CD52: variants seen among roughly 807,000 people sequenced by gnomAD.
The protein encoded by CD52 is CD52 molecule, also known as CAMPATH-1 antigen.
CD52 carries 2 observed loss-of-function variants against 2.5 expected under a neutral mutation model. The ratio of observed to expected loss-of-function variants is 0.79; its 90% CI spans 0.32 to 2.48. The LOEUF (loss-of-function observed/expected upper bound fraction) is 2.48, where lower values mean the gene tolerates loss of function less well. Ranked by LOEUF, CD52 falls within the 30% of genes most tolerant of loss-of-function variation. CD52 has a pLI of 0.11. For synonymous variants in CD52, 24 were observed against 27.7 expected (o/e 0.87, Z 0.42); for missense variants, 62 against 75.8 (o/e 0.82, Z 0.68).
chr1:26,319,553 G>A (rs1471329035), intron 1 of CD52, among the ~76,000 whole-genome samples: 3 of 151,690 alleles, frequency 2.0e-5, no homozygotes, highest in South Asian at 2.1e-4. Flanking sequence ...GCAGTGACCC[G>A]AGATCATGCC....
rs778290285 is a variant in CD52 at position 26,319,568 on chromosome 1, C to CA, written c.55-602dup. Among the ~76,000 whole-genome samples the CA allele has an allele frequency of 7.8e-4, 118 of 151,962 alleles. 1 individual carries two copies. Among genetic ancestry groups the CA allele is most frequent in the Admixed American group, 1.6e-3 (24 of 15,256 alleles). ...GCAGTGACCCGAGATCATGCCACTT[C>CA]ACTCCAGCCTGGGCAAAAGAGCGAA... On this transcript the variant is annotated intron_variant, in intron 1 of 1. Transcript: ENST00000374213.
chr1:26,320,057 A>G, intron 1 of CD52, 114 bp from the exon 2 acceptor site: 1 of 1,259,898 alleles, frequency 7.9e-7, no homozygotes, highest in Non-Finnish European at 1.1e-6. Context: ...GAGGTGGAGG[A>G]TGCAGTGAGC....
intron 1 of CD52, 76 bp downstream of exon 1, chr1:26,318,147 A>G: frequency 8.1e-7 from 1 of 1,227,492 alleles, no homozygotes; most frequent in Non-Finnish European, 1.2e-6. Flanking sequence ...ACAGGATGTG[A>G]GCTCCCAGAG....
chr1:26,318,331 C>T (rs983957882), intron 1 of CD52: 25 of 450,828 alleles, frequency 5.5e-5, no homozygotes, highest in Non-Finnish European at 8.9e-5. Context: ...GTGCTAGGCG[C>T]GTTGGGGCAC....
chr1:26,318,035 C>T lies in CD52; in HGVS notation c.18C>T (p.Phe6=), dbSNP rs1428849775. 5 of 1,614,094 alleles carry T rather than the reference C, an allele frequency of 3.1e-6. No homozygotes were observed. The highest frequency in any genetic ancestry group is 4.2e-6 in the Non-Finnish European group (5 of 1,180,024). Residue 6 remains phenylalanine (F), a synonymous_variant, in exon 1 of 2, where the codon TTC becomes TTT. Coordinates refer to ENST00000374213, the MANE Select transcript of CD52 (RefSeq NM_001803.3). ...CTACCAAAATGAAGCGCTTCCTCTTCCTCCTACTCACCATCAGCCTCCTGG... is the reference window on the plus strand; with the variant it reads ...CTACCAAAATGAAGCGCTTCCTCTTTCTCCTACTCACCATCAGCCTCCTGG... The part of the protein sequence containing the change: MKRFL[F]LLLTISLLVM...
rs761065976 is a variant in CD52, at chr1:26,317,991, C to T, written c.-27C>T. 1.2e-6 allele frequency: 2 copies of T among 1,612,342 alleles called. No individual in the cohort carries two copies. Among genetic ancestry groups the T allele is most frequent in the South Asian group, 2.2e-5 (2 of 91,040 alleles). ...CTGAGATCACCTAAAAAGCTGCTAC[C>T]AAGACAGCCACGAAGATCCTACCAA... On this transcript the variant is annotated 5_prime_UTR_variant, in exon 1 of 2. Coordinates refer to ENST00000374213, the MANE Select transcript of CD52 (RefSeq NM_001803.3).
chr1:26,318,256 G>A, intron 1 of CD52, 185 bp downstream of exon 1: 1 of 595,418 alleles, frequency 1.7e-6, no homozygotes, highest in South Asian at 2.0e-5. Flanking sequence ...CTTCTGGCTG[G>A]GGCTGCACTG....
chr1:26,320,037 T>C, intron 1 of CD52, 134 bp from the exon 2 acceptor site: 1 of 1,097,628 alleles, frequency 9.1e-7, no homozygotes, highest in Non-Finnish European at 1.3e-6. Context: ...GGAGAATCAC[T>C]TGAACCCGGG....
intron 1 of CD52, among the ~76,000 whole-genome samples, chr1:26,319,181 G>C (rs1320786960): frequency 6.6e-6 from 1 of 152,102 alleles, no homozygotes; most frequent in Non-Finnish European, 1.5e-5. Context: ...AGCCGGGCGC[G>C]CTGGCTCGCG....
intron 1 of CD52, among the ~76,000 whole-genome samples, chr1:26,319,749 GT>G (rs1195145178): frequency 6.6e-6 from 1 of 152,014 alleles, no homozygotes; most frequent in Non-Finnish European, 1.5e-5. Context: ...ACTGAGGACT[GT>G]TTTATGGAGG....
Position 26,320,409 on chromosome 1 carries a change from G to T in CD52, c.*107G>T. ...GAGGGGTTGATGCCAGACATCACCA[G>T]GTTGTAGAAGTTGACAGGCAGTGCC... On this transcript the variant is annotated 3_prime_UTR_variant, in exon 2 of 2. Transcript: ENST00000374213. 7.0e-7 allele frequency: 1 copy of T among 1,437,514 alleles called. No individual in the cohort carries two copies. The allele number at this position is 1,437,514 out of a possible 1,614,324, so 89.0% of individuals were successfully genotyped here.
Position 26,320,172 on chromosome 1 carries a change from T to C in CD52, c.56T>C (p.Ile19Thr). 3 of 1,609,374 alleles carry C rather than the reference T, an allele frequency of 1.9e-6. No homozygotes were observed. The highest frequency in any genetic ancestry group is 1.1e-5 in the South Asian group (1 of 90,818). ...LTISLLVMVQ[I>T]QTGLSGQNDT... ...CTTATCCCACTTCTCCTCCTACAGA[T>C]ACAAACTGGACTCTCAGGACAAAAC... The change falls in exon 2 of 2, where the codon ATA (isoleucine) becomes ACA (threonine). Residue 19 changes from isoleucine (I) to threonine (T), a missense_variant and splice_region_variant. By Grantham distance (89) the Ile-to-Thr change is moderately conservative (BLOSUM62 -1). Coordinates refer to ENST00000374213, the MANE Select transcript of CD52 (RefSeq NM_001803.3).
At position 26,317,992 on chromosome 1, in the gene CD52, A is replaced by G; in HGVS notation, c.-26A>G. The G allele has an allele frequency of 6.2e-7, 1 of 1,612,794 alleles. No homozygotes were observed. Among genetic ancestry groups the G allele is most frequent in the South Asian group, 1.1e-5 (1 of 91,058 alleles). On this transcript the variant is annotated 5_prime_UTR_variant, in exon 1 of 2. Transcript: ENST00000374213. ...TGAGATCACCTAAAAAGCTGCTACC[A>G]AGACAGCCACGAAGATCCTACCAAA... is the stretch of plus-strand genomic sequence containing the variant.
intron 1 of CD52, 39 bp downstream of exon 1, chr1:26,318,110 A>C: frequency 4.4e-6 from 7 of 1,577,034 alleles, no homozygotes; most frequent in Non-Finnish European, 6.1e-6. Flanking sequence ...GGACTCCCCA[A>C]AGTTGCTTGG....
chr1:26,320,434 C>T lies in CD52; in HGVS notation c.*132C>T. Reference sequence around the variant, plus strand: ...GGTTGTAGAAGTTGACAGGCAGTGCCATGGGGGCAACAGCCAAAATAGGGG... The same window carrying T: ...GGTTGTAGAAGTTGACAGGCAGTGCTATGGGGGCAACAGCCAAAATAGGGG... On this transcript the variant is annotated 3_prime_UTR_variant, in exon 2 of 2. Coordinates refer to ENST00000374213, the MANE Select transcript of CD52 (RefSeq NM_001803.3). 7.8e-7 allele frequency: 1 copy of T among 1,274,488 alleles called. No homozygotes were observed. The highest frequency in any genetic ancestry group is 1.1e-6 in the Non-Finnish European group (1 of 933,358). The allele number at this position is 1,274,488 out of a possible 1,614,324, so 78.9% of individuals were successfully genotyped here.
rs1570156875 is a variant in CD52 at position 26,320,371 on chromosome 1, C to T, written c.*69C>T. Reference sequence around the variant, plus strand: ...GCCACCATCACTCGCAAGAGAATCCCCTCCATCTTTGGGAGGGGTTGATGC... The same window carrying T: ...GCCACCATCACTCGCAAGAGAATCCTCTCCATCTTTGGGAGGGGTTGATGC... On this transcript the variant is annotated 3_prime_UTR_variant, in exon 2 of 2. Coordinates refer to ENST00000374213, the MANE Select transcript of CD52 (RefSeq NM_001803.3). 1.3e-6 allele frequency: 2 copies of T among 1,539,598 alleles called. No homozygotes were observed. Among genetic ancestry groups the T allele is most frequent in the East Asian group, 4.6e-5 (2 of 43,724 alleles).
At position 26,318,402 on chromosome 1, in the gene CD52, G is replaced by GA. The variant is rs558308306; in HGVS notation, c.54+333dup. ...ACTTGGGAAGACAACCCTGAGTGAG[G>GA]AAGGCATCGGCCCACAGGGAGTCTG... On this transcript the variant is annotated intron_variant, in intron 1 of 1. Coordinates refer to ENST00000374213, the MANE Select transcript of CD52 (RefSeq NM_001803.3). The GA allele has an allele frequency of 1.7e-3, 419 of 248,018 alleles. 2 individuals are homozygous for GA. Among genetic ancestry groups the GA allele is most frequent in the African/African-American group, 8.1e-3 (372 of 45,962 alleles). The allele number at this position is 248,018 out of a possible 1,614,324, so 15.4% of individuals were successfully genotyped here.
chr1:26,320,440 G>T lies in CD52; in HGVS notation c.*138G>T. 3 of 1,150,400 alleles carry T rather than the reference G, an allele frequency of 2.6e-6. No homozygotes were observed. The highest frequency in any genetic ancestry group is 1.5e-5 in the South Asian group (1 of 65,122). 71.3% of individuals were successfully genotyped at this position (1,150,400 alleles called of 1,614,324 possible). On this transcript the variant is annotated 3_prime_UTR_variant, in exon 2 of 2. Coordinates refer to ENST00000374213, the MANE Select transcript of CD52 (RefSeq NM_001803.3). Reference sequence around the variant, plus strand: ...AGAAGTTGACAGGCAGTGCCATGGGGGCAACAGCCAAAATAGGGGGGTAAT... The same window carrying T: ...AGAAGTTGACAGGCAGTGCCATGGGTGCAACAGCCAAAATAGGGGGGTAAT...
In CD52 at chr1:26,318,045, A is replaced by T; in HGVS notation, c.28A>T (p.Thr10Ser). Reference sequence around the variant, plus strand: ...GAAGCGCTTCCTCTTCCTCCTACTCACCATCAGCCTCCTGGTTATGGTACA... The same window carrying T: ...GAAGCGCTTCCTCTTCCTCCTACTCTCCATCAGCCTCCTGGTTATGGTACA... MKRFLFLLL[T>S]ISLLVMVQIQ... Residue 10 changes from threonine (T) to serine (S), a missense_variant, in exon 1 of 2, where the codon ACC (threonine) becomes TCC (serine). Thr to Ser is a moderately conservative substitution (Grantham distance 58). Coordinates refer to ENST00000374213, the MANE Select transcript of CD52 (RefSeq NM_001803.3). The T allele has an allele frequency of 1.2e-6, 2 of 1,613,884 alleles. No homozygotes were observed. The highest frequency in any genetic ancestry group is 1.7e-6 in the Non-Finnish European group (2 of 1,179,930).
Sources: allele counts gnomAD v4.1 joint callset (sites outside exome capture counted in the v4.1 genomes callset), GRCh38; gene constraint gnomAD v4.1.1; transcripts MANE v1.5; gene names NCBI Gene and HGNC (gene_info 2026-07-23, HGNC 2026-07-21).